Variants in C4orf46 observed in about 807,000 individuals in gnomAD.
C4orf46 encodes renal cancer differentiation gene 1 protein.
A neutral mutation model predicts 9.1 loss-of-function variants in C4orf46; 8 were observed. The ratio of observed to expected loss-of-function variants is 0.88; its 90% CI spans 0.52 to 1.59. The LOEUF (loss-of-function observed/expected upper bound fraction) is 1.59, where lower values mean the gene tolerates loss of function less well. C4orf46 is among the 40% of genes most tolerant of loss of function. The pLI, the probability that C4orf46 is intolerant of heterozygous loss-of-function variation, is 0.00. For missense variants in C4orf46, 151 were observed against 139.1 expected (o/e 1.09, Z -0.43); for synonymous variants, 51 against 58.8 (o/e 0.87, Z 0.61).
rs1373125668 is a variant in C4orf46, at chr4:158,666,878, T to C, written c.*2735A>G. On this transcript the variant is annotated 3_prime_UTR_variant, in exon 2 of 2. Coordinates refer to ENST00000379205, the MANE Select transcript of C4orf46 (RefSeq NM_001008393.4). ...AGAGGCAGAAACTGTGGAAGGTAAA[T>C]ATATGTTAAGAAACTAATAGTTTCT... 2 of 152,096 alleles carry C rather than the reference T, an allele frequency of 1.3e-5. No individual in the cohort carries two copies. Among genetic ancestry groups the C allele is most frequent in the Non-Finnish European group, 2.9e-5 (2 of 68,018 alleles). 9.4% of individuals were successfully genotyped at this position (152,096 alleles called of 1,614,324 possible).
chr4:158,668,399 C>A lies in C4orf46; in HGVS notation c.*1214G>T, dbSNP rs2150297794. 6.5e-6 allele frequency: 1 copy of A among 152,770 alleles called. No individual in the cohort carries two copies. Among genetic ancestry groups the A allele is most frequent in the South Asian group, 2.1e-4 (1 of 4,826 alleles). 9.5% of individuals were successfully genotyped at this position (152,770 alleles called of 1,614,324 possible). ...ACCTAATATGTTAAACAAAACTATT[C>A]TTTGCCCATCCATCTGTCCCCTCTC... On this transcript the variant is annotated 3_prime_UTR_variant, in exon 2 of 2. Transcript: ENST00000379205.
At position 158,669,595 on chromosome 4, in the gene C4orf46, A is replaced by G. The variant is rs768269613; in HGVS notation, c.*18T>C. On this transcript the variant is annotated 3_prime_UTR_variant, in exon 2 of 2. Coordinates refer to ENST00000379205, the MANE Select transcript of C4orf46 (RefSeq NM_001008393.4). The stretch of plus-strand genomic sequence containing the variant: ...TATGAATTATTGCAGTCATTATTAA[A>G]CAACGAAGTATGCCAAATCAGTCAT... The G allele has an allele frequency of 4.3e-6, 7 of 1,610,880 alleles. No homozygotes were observed. The highest frequency in any genetic ancestry group is 5.9e-6 in the Non-Finnish European group (7 of 1,178,898).
rs894589337 is a variant in C4orf46 at position 158,667,928 on chromosome 4, T to C, written c.*1685A>G. The C allele has an allele frequency of 6.6e-6, 1 of 152,150 alleles. No individual in the cohort carries two copies. The highest frequency in any genetic ancestry group is 2.4e-5 in the African/African-American group (1 of 41,408). 9.4% of individuals were successfully genotyped at this position (152,150 alleles called of 1,614,324 possible). On this transcript the variant is annotated 3_prime_UTR_variant, in exon 2 of 2. Transcript: ENST00000379205. Reference sequence around the variant, plus strand: ...AAAAAATATATTTGTATTAAAAATATAAAAACACATGCTATATTATGCCCC... The same window carrying C: ...AAAAAATATATTTGTATTAAAAATACAAAAACACATGCTATATTATGCCCC...
rs557978645 is a variant in C4orf46 at position 158,668,223 on chromosome 4, A to C, written c.*1390T>G. The C allele has an allele frequency of 6.5e-6, 1 of 152,782 alleles. No individual in the cohort carries two copies. Among genetic ancestry groups the C allele is most frequent in the East Asian group, 1.9e-4 (1 of 5,184 alleles). 9.5% of individuals were successfully genotyped at this position (152,782 alleles called of 1,614,324 possible). A position where few individuals can be genotyped will look rare whatever the true frequency, so the allele number is the denominator to read the frequency against. On this transcript the variant is annotated 3_prime_UTR_variant, in exon 2 of 2. Coordinates refer to ENST00000379205, the MANE Select transcript of C4orf46 (RefSeq NM_001008393.4). ...ACAAATGGAAATAAAATGTGCTTTT[A>C]ATAATAATTTATTTTTACACATTTT...
At chr4:158,669,866 T>C (rs1773476965) in intron 1 of C4orf46, 98 bp from the exon 2 acceptor site, 10 of 965,100 alleles carry the variant, frequency 1.0e-5, no homozygotes, top group Non-Finnish European at 1.4e-5. Flanking sequence ...CCAATGCCCA[T>C]GTTATTTTCT....
chr4:158,671,517 A>G lies in C4orf46; in HGVS notation c.186+99T>C, dbSNP rs112628838. The G allele has an allele frequency of 2.8e-3, 3,497 of 1,263,306 alleles. 55 individuals are homozygous for G. In the African/African-American group the frequency reaches 0.038, roughly 14 times the overall value. 78.3% of individuals were successfully genotyped at this position (1,263,306 alleles called of 1,614,324 possible). On this transcript the variant is annotated intron_variant, in intron 1 of 1. Transcript: ENST00000379205. ...GCAGAAGGGCCGGTCGTCCCGGGTC[A>G]TGGGGGTTGGGGGACCGATTCCCTA... is the stretch of plus-strand genomic sequence containing the variant.
At position 158,668,318 on chromosome 4, in the gene C4orf46, T is replaced by C. The variant is rs1773433266; in HGVS notation, c.*1295A>G. On this transcript the variant is annotated 3_prime_UTR_variant, in exon 2 of 2. Coordinates refer to ENST00000379205, the MANE Select transcript of C4orf46 (RefSeq NM_001008393.4). The stretch of plus-strand genomic sequence containing the variant: ...TACTGAAATAAGCATATCTTTGGTA[T>C]AGAAATCACACCCTATGTGTTTATC... 1 of 152,660 alleles carries C rather than the reference T, an allele frequency of 6.6e-6. No individual in the cohort carries two copies. Among genetic ancestry groups the C allele is most frequent in the South Asian group, 2.1e-4 (1 of 4,836 alleles). The allele number at this position is 152,660 out of a possible 1,614,324, so 9.5% of individuals were successfully genotyped here.
rs1773451555 is a variant in C4orf46 at position 158,669,098 on chromosome 4, C to A, written c.*515G>T. ...TATGTTTGTTAACTCTTTTATTCAACAAACATTTAGTGAATGTTGTGTGAC... is the reference window on the plus strand; with the variant it reads ...TATGTTTGTTAACTCTTTTATTCAAAAAACATTTAGTGAATGTTGTGTGAC... On this transcript the variant is annotated 3_prime_UTR_variant, in exon 2 of 2. Coordinates refer to ENST00000379205, the MANE Select transcript of C4orf46 (RefSeq NM_001008393.4). 1 of 152,160 alleles carries A rather than the reference C, an allele frequency of 6.6e-6. No individual in the cohort carries two copies. Among genetic ancestry groups the A allele is most frequent in the Non-Finnish European group, 1.5e-5 (1 of 68,024 alleles). The allele number at this position is 152,160 out of a possible 1,614,324, so 9.4% of individuals were successfully genotyped here. A position where few individuals can be genotyped will look rare whatever the true frequency, so the allele number is the denominator to read the frequency against.
chr4:158,671,958 T>C (rs1201358514), upstream of C4orf46: 11 of 604,984 alleles, frequency 1.8e-5, no homozygotes, highest in Non-Finnish European at 2.8e-6. Context: ...ACAAAGACGT[T>C]TCATTTTTCG....
In C4orf46 at chr4:158,671,838, G is replaced by T; in HGVS notation, c.-37C>A. 1 of 1,437,716 alleles carries T rather than the reference G, an allele frequency of 7.0e-7. No homozygotes were observed. The highest frequency in any genetic ancestry group is 9.2e-7 in the Non-Finnish European group (1 of 1,084,606). The allele number at this position is 1,437,716 out of a possible 1,614,324, so 89.1% of individuals were successfully genotyped here. On this transcript the variant is annotated 5_prime_UTR_variant, in exon 1 of 2. Transcript: ENST00000379205. The stretch of plus-strand genomic sequence containing the variant: ...GGGACCGCGGAATCCGACCCGAGAA[G>T]CCGAACCGACACCAACTGTCTTTTA...
At position 158,667,077 on chromosome 4, in the gene C4orf46, T is replaced by C. The variant is rs1249387526; in HGVS notation, c.*2536A>G. 1 of 152,180 alleles carries C rather than the reference T, an allele frequency of 6.6e-6. No homozygotes were observed. The highest frequency in any genetic ancestry group is 1.5e-5 in the Non-Finnish European group (1 of 68,032). 9.4% of individuals were successfully genotyped at this position (152,180 alleles called of 1,614,324 possible). On this transcript the variant is annotated 3_prime_UTR_variant, in exon 2 of 2. Transcript: ENST00000379205. ...GTCAAGCACCTTTAGCTCGAAATAA[T>C]CAGTATGCCAAATCGGCATATTTGG...
chr4:158,672,025 C>T, upstream of C4orf46: 2 of 556,260 alleles, frequency 3.6e-6, no homozygotes, highest in Non-Finnish European at 6.4e-6. Context: ...CCTGCGCGAG[C>T]CTCCAATCGA....
At chr4:158,671,500 G>T in intron 1 of C4orf46, 116 bp downstream of exon 1, 4 of 1,109,180 alleles carry the variant, frequency 3.6e-6, no homozygotes, top group Non-Finnish European at 3.7e-6. Context: ...GCGCAGAAGG[G>T]CCGGTCGTCC....
In C4orf46 at chr4:158,671,651, C is replaced by T. The variant is rs747196215; in HGVS notation, c.151G>A (p.Asp51Asn). 3.1e-6 allele frequency: 5 copies of T among 1,597,196 alleles called. No homozygotes were observed. In the South Asian group the frequency reaches 5.6e-5, roughly 18 times the overall value. Residue 51 changes from aspartate to asparagine, a missense_variant, in exon 1 of 2, where the codon GAC (aspartate) becomes AAC (asparagine). Coordinates refer to ENST00000379205, the MANE Select transcript of C4orf46 (RefSeq NM_001008393.4). ...TGCAGCTCCACTTCCTCCAGCTGGT[C>T]CACCGTTGGGCCGCTGCTCCTGCTC... The part of the protein sequence containing the change: ...VPSRSSGPTV[D>N]QLEEVELQIG...
rs920040141 is a variant in C4orf46, at chr4:158,669,377, G to C, written c.*236C>G. ...ATTGATGAAGTTAACTTTCATAAAGGATTCTATGAAAGTTCAGAGGCATAA... is the reference window on the plus strand; with the variant it reads ...ATTGATGAAGTTAACTTTCATAAAGCATTCTATGAAAGTTCAGAGGCATAA... On this transcript the variant is annotated 3_prime_UTR_variant, in exon 2 of 2. Transcript: ENST00000379205. The C allele has an allele frequency of 8.1e-6, 3 of 371,742 alleles. No homozygotes were observed. The highest frequency in any genetic ancestry group is 1.5e-5 in the Non-Finnish European group (3 of 205,314). The allele number at this position is 371,742 out of a possible 1,614,324, so 23.0% of individuals were successfully genotyped here.
At position 158,668,890 on chromosome 4, in the gene C4orf46, A is replaced by T. The variant is rs991096596; in HGVS notation, c.*723T>A. On this transcript the variant is annotated 3_prime_UTR_variant, in exon 2 of 2. Coordinates refer to ENST00000379205, the MANE Select transcript of C4orf46 (RefSeq NM_001008393.4). The stretch of plus-strand genomic sequence containing the variant: ...TTTCCCTTTCTGAAGTAAAGTCTTT[A>T]AAAAAAAAATCAAACAAGTACAAAA... 8.0e-5 allele frequency: 12 copies of T among 150,224 alleles called. No individual in the cohort carries two copies. The highest frequency in any genetic ancestry group is 1.3e-4 in the Non-Finnish European group (9 of 67,404). The allele number at this position is 150,224 out of a possible 1,614,324, so 9.3% of individuals were successfully genotyped here. A position where few individuals can be genotyped will look rare whatever the true frequency, so the allele number is the denominator to read the frequency against.
chr4:158,671,058 G>A (rs919095793), intron 1 of C4orf46, among the ~76,000 whole-genome samples: 1 of 152,198 alleles, frequency 6.6e-6, no homozygotes, highest in East Asian at 1.9e-4. Context: ...AACCCTTCAA[G>A]CTGGGTCCAG....
intron 1 of C4orf46, among the ~76,000 whole-genome samples, chr4:158,670,468 GTGAACACTT>G (rs1290564850): frequency 6.6e-6 from 1 of 152,246 alleles, no homozygotes; most frequent in East Asian, 1.9e-4. Flanking sequence ...GCATTGACCT[GTGAACACTT>G]TAAACAATGA....
At chr4:158,671,542 A>G in intron 1 of C4orf46, 74 bp downstream of exon 1, 1 of 1,370,150 alleles carries the variant, frequency 7.3e-7, no homozygotes, top group Non-Finnish European at 9.6e-7. Context: ...CCGATTCCCT[A>G]GCCTCGCGAG....
Sources: allele counts gnomAD v4.1 joint callset (sites outside exome capture counted in the v4.1 genomes callset), GRCh38; gene constraint gnomAD v4.1.1; transcripts MANE v1.5; gene names NCBI Gene and HGNC (gene_info 2026-07-23, HGNC 2026-07-21).